The following OTOGL variants were observed in gnomAD, a reference collection of about 807,000 sequenced individuals.
The protein encoded by OTOGL is otogelin-like protein.
OTOGL carries 285 observed loss-of-function variants against 318.5 expected under a neutral mutation model. The observed-to-expected ratio is 0.89, with a 90% CI of 0.81 to 0.99. OTOGL has a LOEUF of 0.99. Ranked by LOEUF, OTOGL falls within the 50% of genes least tolerant of loss-of-function variation. OTOGL has a pLI of 0.00. For synonymous variants in OTOGL, 987 were observed against 936.5 expected, an observed-to-expected ratio of 1.05 and a Z score of -0.99; for missense variants, 2,899 against 2,845.6, an observed-to-expected ratio of 1.02 and a Z score of -0.43.
chr12:80,336,991 G>A lies in OTOGL; in HGVS notation c.4847G>A (p.Arg1616Gln), dbSNP rs1225111265. Residue 1616 changes from arginine (R) to glutamine (Q), a missense_variant, in exon 42 of 59, where the codon CGG becomes CAG. Physicochemically the swap from Arg to Gln is conservative, Grantham distance 43 (BLOSUM62 1). Coordinates refer to ENST00000547103, the MANE Select transcript of OTOGL (RefSeq NM_001378609.3). ...CCCATACATAAAATAATTGTCAATC[G>A]GTTGGCAAGAAAGGTAAGAATACAA... Reference protein sequence around the residue: ...TTPIHKIIVNRLARKVEVDSI... With the variant: ...TTPIHKIIVNQLARKVEVDSI... 8.2e-6 allele frequency: 13 copies of A among 1,579,528 alleles called. No individual in the cohort carries two copies. The highest frequency in any genetic ancestry group is 1.8e-5 in the Admixed American group (1 of 56,076).
intron 19 of OTOGL, 112 bp downstream of exon 19, chr12:80,262,205 T>C: frequency 9.0e-7 from 1 of 1,106,672 alleles, no homozygotes; most frequent in Non-Finnish European, 1.2e-6. Flanking sequence ...TCCATTATGG[T>C]AAAATCAATG....
intron 1 of OTOGL, among the ~76,000 whole-genome samples, chr12:80,137,050 G>A (rs1170523607): frequency 4.6e-5 from 7 of 151,982 alleles, no homozygotes; most frequent in African/African-American, 1.2e-4. Context: ...TTTTCTGATC[G>A]GTTTCAGAAA....
At chr12:80,116,126 A>G (rs190231408) in intron 1 of OTOGL, among the ~76,000 whole-genome samples, 189 of 152,300 alleles carry the variant, frequency 1.2e-3, no homozygotes, top group African/African-American at 4.4e-3. Flanking sequence ...CTAGCTCGGT[A>G]TCTGCCCAAA....
intron 7 of OTOGL, among the ~76,000 whole-genome samples, chr12:80,223,318 C>T (rs1357516175): frequency 2.0e-5 from 3 of 151,224 alleles, no homozygotes; most frequent in Admixed American, 6.6e-5. Flanking sequence ...TTTTCTTTAT[C>T]CACTCATTGA....
intron 54 of OTOGL, 59 bp from the exon 55 acceptor site, chr12:80,368,146 A>G (rs928536129): frequency 1.5e-5 from 19 of 1,254,946 alleles, no homozygotes; most frequent in Middle Eastern, 1.9e-4. Flanking sequence ...ATAACTCTCC[A>G]GAAGTAATTC....
chr12:80,360,260 A>G (rs1396527695), intron 52 of OTOGL, among the ~76,000 whole-genome samples: 3 of 151,676 alleles, frequency 2.0e-5, no homozygotes, highest in African/African-American at 7.3e-5. Flanking sequence ...AAATTTCTTA[A>G]TTTTTTTTCC....
intron 1 of OTOGL, among the ~76,000 whole-genome samples, chr12:80,156,365 C>A (rs1173627074): frequency 1.3e-5 from 2 of 152,184 alleles, no homozygotes; most frequent in African/African-American, 4.8e-5. Flanking sequence ...ATTGTGGGAC[C>A]TCACCTTGTG....
chr12:80,250,089 G>C (rs994114608), intron 11 of OTOGL, among the ~76,000 whole-genome samples: 91 of 152,110 alleles, frequency 6.0e-4, no homozygotes, highest in African/African-American at 2.0e-3. Context: ...AGATGAACCC[G>C]GTACCTCAGA....
At chr12:80,275,986 G>C (rs1423279668) in intron 24 of OTOGL, among the ~76,000 whole-genome samples, 2 of 151,216 alleles carry the variant, frequency 1.3e-5, no homozygotes, top group Non-Finnish European at 3.0e-5. Context: ...TTGCTTTATT[G>C]TGATATTAAC....
At chr12:80,343,523 T>G (rs1382479971) in intron 44 of OTOGL, 2 of 132,636 alleles carry the variant, frequency 1.5e-5, no homozygotes, top group Admixed American at 7.7e-5. Context: ...TTTTTTTTTT[T>G]TTTTTTTTTT....
At chr12:80,298,441 T>C (rs1885555456) in intron 27 of OTOGL, among the ~76,000 whole-genome samples, 1 of 152,160 alleles carries the variant, frequency 6.6e-6, no homozygotes, top group South Asian at 2.1e-4. Context: ...TTTGGGAAGA[T>C]TTTAGAACCT....
chr12:80,183,232 A>G (rs566674445), intron 1 of OTOGL, among the ~76,000 whole-genome samples: 2 of 152,288 alleles, frequency 1.3e-5, no homozygotes, highest in African/African-American at 4.8e-5. Flanking sequence ...TGACAGTCCT[A>G]CTGAGGTAGT....
At chr12:80,185,150 T>C (rs1042768605) in intron 1 of OTOGL, among the ~76,000 whole-genome samples, 1 of 152,018 alleles carries the variant, frequency 6.6e-6, no homozygotes, top group African/African-American at 2.4e-5. Context: ...ATGAGACATA[T>C]AGAGAGGAAT....
intron 20 of OTOGL, chr12:80,265,430 G>A (rs1222752474): frequency 1.3e-5 from 7 of 546,006 alleles, no homozygotes; most frequent in East Asian, 3.1e-5. Context: ...TGTAATAAAC[G>A]AAATTATTGT....
chr12:80,279,735 G>A (rs544753407), intron 26 of OTOGL, among the ~76,000 whole-genome samples: 1 of 151,796 alleles, frequency 6.6e-6, no homozygotes, highest in East Asian at 1.9e-4. Context: ...ATTGTGAGTA[G>A]TGCTGCAATG....
chr12:80,254,385 TTTTG>T, intron 14 of OTOGL, 135 bp from the exon 15 acceptor site: 1 of 414,596 alleles, frequency 2.4e-6, no homozygotes, highest in Non-Finnish European at 4.2e-6. Context: ...TTATTTTATT[TTTTG>T]CAGAGATTTT....
intron 1 of OTOGL, among the ~76,000 whole-genome samples, chr12:80,185,868 C>A (rs1032396253): frequency 6.6e-6 from 1 of 152,042 alleles, no homozygotes; most frequent in Non-Finnish European, 1.5e-5. Context: ...CTAATTTATT[C>A]ACAAAAGGAT....
At chr12:80,299,528 C>T (rs1290188649) in intron 27 of OTOGL, among the ~76,000 whole-genome samples, 1 of 150,854 alleles carries the variant, frequency 6.6e-6, no homozygotes, top group East Asian at 2.0e-4. Flanking sequence ...AAGAAATCCC[C>T]TGCAATATTT....
At chr12:80,340,848 T>G (rs1888721209) in intron 43 of OTOGL, among the ~76,000 whole-genome samples, 1 of 152,108 alleles carries the variant, frequency 6.6e-6, no homozygotes, top group South Asian at 2.1e-4. Context: ...GAAGTTGCAG[T>G]GCAAACATAT....
Sources: gnomAD v4.1 joint callset for allele counts (sites outside exome capture counted in the v4.1 genomes callset) on GRCh38, gnomAD v4.1.1 for gene constraint, MANE v1.5 for transcripts, NCBI Gene and HGNC (gene_info 2026-07-23, HGNC 2026-07-21) for gene names.